RPH3A: variants seen among roughly 807,000 people sequenced by gnomAD.
The protein encoded by RPH3A is rabphilin 3A.
A neutral mutation model predicts 102.2 loss-of-function variants in RPH3A; 48 were observed. That is an observed-to-expected ratio of 0.47 (90% confidence interval 0.37 to 0.60). The LOEUF is 0.60. Ranked by LOEUF, RPH3A falls within the 20% of genes least tolerant of loss-of-function variation. The probability of loss-of-function intolerance (pLI) is 0.00; values close to 1 mark genes in which losing one functional copy is unlikely to be tolerated. For missense variants in RPH3A, 781 were observed against 910.1 expected, an observed-to-expected ratio of 0.86 and a Z score of 1.83; for synonymous variants, 310 against 324.3, an observed-to-expected ratio of 0.96 and a Z score of 0.47.
intron 1 of RPH3A, among the ~76,000 whole-genome samples, chr12:112,693,956 T>C (rs1384803963): frequency 6.6e-6 from 1 of 152,248 alleles, no homozygotes; most frequent in Non-Finnish European, 1.5e-5. Context: ...AAATATTTGC[T>C]GATTGAAGGC....
chr12:112,612,284 G>A (rs1202809048), intron 1 of RPH3A, among the ~76,000 whole-genome samples: 2 of 152,116 alleles, frequency 1.3e-5, no homozygotes, highest in Non-Finnish European at 2.9e-5. Flanking sequence ...TCCACATCAC[G>A]ACTCTGGCTT....
intron 1 of RPH3A, among the ~76,000 whole-genome samples, chr12:112,645,012 C>T (rs1445796792): frequency 6.6e-6 from 1 of 152,116 alleles, no homozygotes; most frequent in Non-Finnish European, 1.5e-5. Context: ...ATTTTATATG[C>T]CAGAGACGAT....
intron 1 of RPH3A, among the ~76,000 whole-genome samples, chr12:112,590,365 C>T (rs563439372): frequency 6.4e-4 from 98 of 152,314 alleles, no homozygotes; most frequent in Non-Finnish European, 2.1e-4. Context: ...GTTCCAGTCT[C>T]GACTCAATCA....
intron 1 of RPH3A, among the ~76,000 whole-genome samples, chr12:112,685,079 G>C (rs1434373477): frequency 6.6e-6 from 1 of 152,130 alleles, no homozygotes; most frequent in Non-Finnish European, 1.5e-5. Context: ...TGGGACTACA[G>C]GTGCATGCCA....
intron 2 of RPH3A, among the ~76,000 whole-genome samples, chr12:112,819,076 T>C (rs1419707134): frequency 6.6e-6 from 1 of 151,936 alleles, no homozygotes; most frequent in African/African-American, 2.4e-5. Context: ...TGTGTATATA[T>C]ATATATTTGA....
chr12:112,615,026 A>G (rs2039667995), intron 1 of RPH3A, among the ~76,000 whole-genome samples: 1 of 152,122 alleles, frequency 6.6e-6, no homozygotes, highest in Non-Finnish European at 1.5e-5. Context: ...GGAACAATTT[A>G]CTGTTGAACT....
chr12:112,746,397 A>G (rs1009014689), intron 1 of RPH3A, among the ~76,000 whole-genome samples: 1 of 152,168 alleles, frequency 6.6e-6, no homozygotes, highest in Non-Finnish European at 1.5e-5. Context: ...ACCCAGAGTC[A>G]GGGAAGGTGT....
intron 1 of RPH3A, among the ~76,000 whole-genome samples, chr12:112,601,500 G>A (rs544660888): frequency 2.7e-4 from 41 of 152,246 alleles, no homozygotes; most frequent in Middle Eastern, 3.4e-3. Flanking sequence ...GTGAATCAGC[G>A]TGGGTGAATC....
intron 5 of RPH3A, among the ~76,000 whole-genome samples, chr12:112,851,798 C>A (rs2042327640): frequency 6.6e-6 from 1 of 152,164 alleles, no homozygotes; most frequent in Non-Finnish European, 1.5e-5. Context: ...CATTTTGCCC[C>A]CACATTTCTT....
intron 1 of RPH3A, among the ~76,000 whole-genome samples, chr12:112,616,543 C>T (rs1053060663): frequency 6.6e-6 from 1 of 152,122 alleles, no homozygotes; most frequent in Non-Finnish European, 1.5e-5. Flanking sequence ...TACCTTAATT[C>T]CAAGACAAAA....
chr12:112,671,001 G>C (rs753881125), intron 1 of RPH3A, among the ~76,000 whole-genome samples: 1 of 152,014 alleles, frequency 6.6e-6, no homozygotes, highest in Admixed American at 6.6e-5. Flanking sequence ...TCAACCACAG[G>C]GGGGAGATGC....
chr12:112,792,491 G>C (rs1274737562), intron 2 of RPH3A, among the ~76,000 whole-genome samples: 1 of 152,234 alleles, frequency 6.6e-6, no homozygotes, highest in East Asian at 1.9e-4. Context: ...ATGTGCTCAT[G>C]TTGTAGGCAA....
intron 4 of RPH3A, among the ~76,000 whole-genome samples, chr12:112,846,820 C>T (rs2042236857): frequency 6.6e-6 from 1 of 152,216 alleles, no homozygotes; most frequent in Admixed American, 6.5e-5. Context: ...CTGTTCCCAG[C>T]AGCCTCTGAT....
intron 1 of RPH3A, among the ~76,000 whole-genome samples, chr12:112,715,549 A>G (rs73419286): frequency 0.018 from 2,745 of 152,330 alleles, 86 homozygotes; most frequent in African/African-American, 0.063. Context: ...AGTTGAATCA[A>G]TGAAGGTCTT....
upstream of RPH3A, among the ~76,000 whole-genome samples, chr12:112,788,175 T>C (rs1371360873): frequency 1.3e-5 from 2 of 152,090 alleles, no homozygotes; most frequent in Non-Finnish European, 2.9e-5. Context: ...TGGGGCAAGG[T>C]CCCCTGACAA....
intron 1 of RPH3A, among the ~76,000 whole-genome samples, chr12:112,596,311 T>C (rs957676963): frequency 1.3e-5 from 2 of 152,160 alleles, no homozygotes; most frequent in African/African-American, 2.4e-5. Flanking sequence ...CTGGCTAACT[T>C]TTAAAGTTTT....
intron 1 of RPH3A, among the ~76,000 whole-genome samples, chr12:112,733,561 G>A (rs887378512): frequency 6.6e-6 from 1 of 152,106 alleles, no homozygotes; most frequent in Admixed American, 6.5e-5. Context: ...AAGAAGCCTC[G>A]AATTGGTCAG....
chr12:112,619,986 C>G (rs546636042), intron 1 of RPH3A, among the ~76,000 whole-genome samples: 1 of 152,308 alleles, frequency 6.6e-6, no homozygotes, highest in East Asian at 1.9e-4. Flanking sequence ...TAGGACACCT[C>G]AAGCTTCAGG....
At chr12:112,594,476 A>C (rs952477886) in intron 1 of RPH3A, among the ~76,000 whole-genome samples, 3 of 151,926 alleles carry the variant, frequency 2.0e-5, no homozygotes, top group Admixed American at 6.6e-5. Flanking sequence ...CCTTCCATCT[A>C]TCCATCTCAT....
Sources: gnomAD v4.1 joint callset for allele counts (sites outside exome capture counted in the v4.1 genomes callset) on GRCh38, gnomAD v4.1.1 for gene constraint, MANE v1.5 for transcripts, NCBI Gene and HGNC (gene_info 2026-07-23, HGNC 2026-07-21) for gene names.